RANBP2: variants seen among roughly 807,000 people sequenced by gnomAD.
RANBP2 encodes the protein E3 SUMO-protein ligase RanBP2.
Under a neutral mutation model 303.6 loss-of-function variants are expected in RANBP2, and 57 were observed. That is an observed-to-expected ratio of 0.19 (90% CI 0.15 to 0.23). RANBP2 has a LOEUF of 0.23. Ranked by LOEUF, RANBP2 falls within the 10% of genes least tolerant of loss-of-function variation. The pLI is 1.00. For synonymous variants in RANBP2, 1,167 were observed against 1,301.5 expected (o/e 0.90, Z 2.23); for missense variants, 3,138 against 3,780.8 (o/e 0.83, Z 4.46).
the RANBP2 span, among the ~76,000 whole-genome samples, chr2:109,295,140 G>A: frequency 6.6e-5 from 10 of 152,198 alleles, no homozygotes; most frequent in African/African-American, 1.9e-4. Context: ...GGTGTGGTAC[G>A]GAGCACCCAC....
the RANBP2 span, among the ~76,000 whole-genome samples, chr2:109,020,550 A>G: frequency 2.6e-5 from 4 of 152,208 alleles, no homozygotes; most frequent in Non-Finnish European, 5.9e-5. Context: ...TGGAAGAGAG[A>G]GAATACCACA....
chr2:109,526,752 G>A, the RANBP2 span, among the ~76,000 whole-genome samples: 6 of 152,084 alleles, frequency 3.9e-5, no homozygotes, highest in Non-Finnish European at 8.8e-5. Flanking sequence ...CCCGGCTCTT[G>A]GGTCCCCAGA....
At chr2:109,109,299 GC>G in the RANBP2 span, among the ~76,000 whole-genome samples, 1 of 152,300 alleles carries the variant, frequency 6.6e-6, no homozygotes, top group South Asian at 2.1e-4. Context: ...CGAAACTCTT[GC>G]CCCCAGGCAC....
At chr2:109,680,187 CAAAAAAAA>C in the RANBP2 span, among the ~76,000 whole-genome samples, 1 of 127,622 alleles carries the variant, frequency 7.8e-6, no homozygotes, top group East Asian at 2.4e-4. Flanking sequence ...ACTAAAAATA[CAAAAAAAA>C]AAAAAAAATT....
the RANBP2 span, among the ~76,000 whole-genome samples, chr2:108,867,416 C>T: frequency 6.6e-6 from 1 of 152,152 alleles, no homozygotes; most frequent in Admixed American, 6.5e-5. Flanking sequence ...GTAGAAGGAA[C>T]AACATGGTTC....
At chr2:108,855,508 T>G in the RANBP2 span, among the ~76,000 whole-genome samples, 1 of 152,100 alleles carries the variant, frequency 6.6e-6, no homozygotes, top group Admixed American at 6.6e-5. Flanking sequence ...AAAGGATGTT[T>G]CTAAATAAGG....
At chr2:109,021,488 C>A in the RANBP2 span, among the ~76,000 whole-genome samples, 115 of 149,496 alleles carry the variant, frequency 7.7e-4, no homozygotes, top group African/African-American at 1.4e-3. Context: ...GCGCCACTGC[C>A]CTCCAGCCTG....
chr2:109,372,130 C>T, the RANBP2 span, among the ~76,000 whole-genome samples: 1 of 152,244 alleles, frequency 6.6e-6, no homozygotes, highest in South Asian at 2.1e-4. Context: ...CTGCAAAGTC[C>T]TCCTTGGACT....
Position 108,737,044 on chromosome 2 carries a change from C to T in RANBP2, c.782+795C>T, listed in dbSNP as rs1487125066. ...TTACTGATTGCTAGTTTAGGCTGTC[C>T]ATGTGGAAGTTAATTTATTTCCCCA... On this transcript the variant is annotated intron_variant, in intron 6 of 28. Transcript: ENST00000283195. 1.8e-4 allele frequency among the ~76,000 whole-genome samples: 21 copies of T among 114,488 alleles called. No homozygotes were observed. In the South Asian group the frequency reaches 2.8e-3, roughly 15 times the overall value. The allele number at this position is 114,488 out of a possible 152,430, so 75.1% of individuals were successfully genotyped here.
At chr2:109,035,382 CAGA>C in the RANBP2 span, among the ~76,000 whole-genome samples, 32 of 152,110 alleles carry the variant, frequency 2.1e-4, no homozygotes, top group Non-Finnish European at 4.0e-4. Context: ...CAACAGACAG[CAGA>C]AGAAGACTCT....
chr2:109,111,862 T>A, the RANBP2 span, among the ~76,000 whole-genome samples: 1 of 147,110 alleles, frequency 6.8e-6, no homozygotes, highest in Non-Finnish European at 1.5e-5. Context: ...AGTTCCCACC[T>A]ATGAGTGAGA....
the RANBP2 span, among the ~76,000 whole-genome samples, chr2:109,493,602 C>G: frequency 6.6e-6 from 1 of 150,568 alleles, no homozygotes; most frequent in Non-Finnish European, 1.5e-5. Context: ...ACACACAAAC[C>G]ACACACACTG....
chr2:109,522,083 A>G, the RANBP2 span, among the ~76,000 whole-genome samples: 4 of 152,142 alleles, frequency 2.6e-5, no homozygotes, highest in African/African-American at 9.7e-5. Flanking sequence ...TTCAAAATTT[A>G]ATTTTAAAAA....
At chr2:109,654,855 T>G in the RANBP2 span, among the ~76,000 whole-genome samples, 1 of 152,102 alleles carries the variant, frequency 6.6e-6, no homozygotes, top group African/African-American at 2.4e-5. Context: ...TGGCGTGACC[T>G]CTCAGAGTGC....
At chr2:108,729,022 A>T in intron 1 of RANBP2, 110 bp from the exon 2 acceptor site, 16 of 1,312,688 alleles carry the variant, frequency 1.2e-5, no homozygotes, top group Non-Finnish European at 1.5e-5. Flanking sequence ...TTTTAAGTGA[A>T]TGAAAGTGGC....
At chr2:109,553,528 A>G in the RANBP2 span, among the ~76,000 whole-genome samples, 1 of 147,432 alleles carries the variant, frequency 6.8e-6, no homozygotes, top group Non-Finnish European at 1.5e-5. Context: ...TGGGTGACAG[A>G]GCGAGACTCT....
chr2:108,993,132 TG>T, the RANBP2 span, among the ~76,000 whole-genome samples: 2 of 152,044 alleles, frequency 1.3e-5, no homozygotes, highest in South Asian at 2.1e-4. Context: ...CAAGCTGATG[TG>T]GGGGTAAGGG....
chr2:109,631,738 A>T, the RANBP2 span, among the ~76,000 whole-genome samples: 1 of 152,036 alleles, frequency 6.6e-6, no homozygotes, highest in Non-Finnish European at 1.5e-5. Context: ...CCTGGGTAAC[A>T]AGAGCGAAAC....
the RANBP2 span, among the ~76,000 whole-genome samples, chr2:109,100,440 A>G: frequency 2.6e-5 from 4 of 152,254 alleles, no homozygotes; most frequent in South Asian, 6.2e-4. Context: ...CCCAACCCCC[A>G]TCTCAGTCCG....
Sources: allele counts gnomAD v4.1 joint callset (sites outside exome capture counted in the v4.1 genomes callset), GRCh38; gene constraint gnomAD v4.1.1; transcripts MANE v1.5; gene names NCBI Gene and HGNC (gene_info 2026-07-23, HGNC 2026-07-21).